The following NTNG1 variants were observed in gnomAD, a reference collection of about 807,000 sequenced individuals.
The protein encoded by NTNG1 is netrin G1, also known as netrin-G1.
A neutral mutation model predicts 54.0 loss-of-function variants in NTNG1; 16 were observed. The observed-to-expected ratio is 0.30, with a 90% CI of 0.20 to 0.45. NTNG1 has a LOEUF of 0.45. Among genes scored for constraint, NTNG1 ranks in the 20% least tolerant of loss-of-function variants. The pLI, the probability that NTNG1 is intolerant of heterozygous loss-of-function variation, is 1.00. For missense variants in NTNG1, 530 were observed against 678.7 expected, an observed-to-expected ratio of 0.78 and a Z score of 2.43; for synonymous variants, 255 against 263.1, an observed-to-expected ratio of 0.97 and a Z score of 0.30.
intron 2 of NTNG1, among the ~76,000 whole-genome samples, chr1:107,262,559 A>G (rs985914604): frequency 6.6e-6 from 1 of 152,230 alleles, no homozygotes; most frequent in Admixed American, 6.5e-5. Context: ...CCATGATCAA[A>G]GTAGAAGAAT....
intron 2 of NTNG1, among the ~76,000 whole-genome samples, chr1:107,312,180 C>T (rs1190512610): frequency 1.3e-5 from 2 of 151,928 alleles, no homozygotes; most frequent in African/African-American, 2.4e-5. Context: ...AAAAAATTAA[C>T]GAAGGCAATG....
At chr1:107,352,627 G>T (rs4915038) in intron 3 of NTNG1, among the ~76,000 whole-genome samples, 17,153 of 152,134 alleles carry the variant, frequency 0.11, 1,029 homozygotes, top group South Asian at 0.19. Context: ...CAAAAGAAAG[G>T]GGCTACAGGC....
intron 2 of NTNG1, among the ~76,000 whole-genome samples, chr1:107,189,220 T>G (rs7555297): frequency 0.99 from 150,894 of 151,936 alleles, 74,939 homozygotes; most frequent in East Asian, 1. Context: ...GAGTGGTAGT[T>G]CACGCCTGTA....
intron 2 of NTNG1, among the ~76,000 whole-genome samples, chr1:107,234,548 C>T (rs1324428048): frequency 3.3e-5 from 5 of 152,138 alleles, no homozygotes; most frequent in Non-Finnish European, 5.9e-5. Flanking sequence ...ATCCACGCAG[C>T]CATTTCATGA....
chr1:107,260,156 C>A (rs550335144), intron 2 of NTNG1, among the ~76,000 whole-genome samples: 171 of 152,302 alleles, frequency 1.1e-3, no homozygotes, highest in African/African-American at 3.9e-3. Context: ...TCATTTGATC[C>A]TCTCACGATA....
intron 2 of NTNG1, among the ~76,000 whole-genome samples, chr1:107,191,373 A>G (rs1296721424): frequency 2.6e-5 from 4 of 152,160 alleles, no homozygotes; most frequent in African/African-American, 7.2e-5. Flanking sequence ...CCCATTCTGT[A>G]GGTTGCCTGT....
At chr1:107,204,934 A>T (rs1659065053) in intron 2 of NTNG1, among the ~76,000 whole-genome samples, 1 of 152,092 alleles carries the variant, frequency 6.6e-6, no homozygotes, top group Non-Finnish European at 1.5e-5. Flanking sequence ...TGCAGATTGG[A>T]GTCACTGAGC....
chr1:107,276,979 G>T (rs1402285704), intron 2 of NTNG1, among the ~76,000 whole-genome samples: 1 of 152,124 alleles, frequency 6.6e-6, no homozygotes, highest in Non-Finnish European at 1.5e-5. Context: ...GAGGAAAAAA[G>T]AAGAGGAAGC....
intron 2 of NTNG1, among the ~76,000 whole-genome samples, chr1:107,280,115 A>G (rs1368985405): frequency 9.1e-6 from 1 of 109,664 alleles, no homozygotes; most frequent in Middle Eastern, 8.1e-3. Flanking sequence ...TAACTTTTTA[A>G]TTTATATCTC....
At chr1:107,202,456 A>G (rs555900867) in intron 2 of NTNG1, among the ~76,000 whole-genome samples, 25 of 151,992 alleles carry the variant, frequency 1.6e-4, no homozygotes, top group Non-Finnish European at 3.1e-4. Context: ...AGCACAGTGA[A>G]TGCTATTACT....
chr1:107,478,345 C>T (rs1401781196), intron 7 of NTNG1, among the ~76,000 whole-genome samples: 1 of 152,046 alleles, frequency 6.6e-6, no homozygotes, highest in Non-Finnish European at 1.5e-5. Context: ...CCTGCCAATC[C>T]ATGAGATTAC....
At chr1:107,180,449 T>G (rs1190504525) in intron 2 of NTNG1, among the ~76,000 whole-genome samples, 1 of 152,122 alleles carries the variant, frequency 6.6e-6, no homozygotes, top group African/African-American at 2.4e-5. Flanking sequence ...TTAAGTGAAA[T>G]AAAAGTTTCA....
At chr1:107,391,069 T>C (rs1191213363) in intron 3 of NTNG1, among the ~76,000 whole-genome samples, 1 of 152,136 alleles carries the variant, frequency 6.6e-6, no homozygotes, top group Non-Finnish European at 1.5e-5. Flanking sequence ...AGAATTATCC[T>C]GATCAAAGAG....
intron 2 of NTNG1, among the ~76,000 whole-genome samples, chr1:107,218,207 C>A (rs1025471472): frequency 2.0e-5 from 3 of 152,046 alleles, no homozygotes; most frequent in Non-Finnish European, 4.4e-5. Context: ...ATGTAATGTT[C>A]CTGTTTGTCT....
At chr1:107,279,919 C>T (rs973874454) in intron 2 of NTNG1, among the ~76,000 whole-genome samples, 2 of 152,018 alleles carry the variant, frequency 1.3e-5, no homozygotes, top group African/African-American at 4.8e-5. Flanking sequence ...GGTTGCAGTC[C>T]TACCTGTAGC....
intron 3 of NTNG1, among the ~76,000 whole-genome samples, chr1:107,367,702 A>T (rs1670681697): frequency 6.6e-6 from 1 of 151,928 alleles, no homozygotes; most frequent in African/African-American, 2.4e-5. Flanking sequence ...TCTGTGCTAA[A>T]ATCTTTATTT....
At chr1:107,432,764 A>T (rs1430671952) in intron 6 of NTNG1, among the ~76,000 whole-genome samples, 3 of 152,166 alleles carry the variant, frequency 2.0e-5, no homozygotes, top group Non-Finnish European at 4.4e-5. Flanking sequence ...AAATCAATCT[A>T]AAAAAGTCCT....
chr1:107,150,583 G>A (rs1029712299), intron 2 of NTNG1, among the ~76,000 whole-genome samples: 5 of 152,144 alleles, frequency 3.3e-5, no homozygotes, highest in African/African-American at 1.2e-4. Flanking sequence ...ACAGATCTAA[G>A]TAAAATAGCA....
intron 2 of NTNG1, among the ~76,000 whole-genome samples, chr1:107,251,082 C>T (rs973918988): frequency 6.6e-6 from 1 of 152,158 alleles, no homozygotes; most frequent in African/African-American, 2.4e-5. Flanking sequence ...AAATTTCATG[C>T]AGTAATGCTT....
Sources: allele counts gnomAD v4.1 joint callset (sites outside exome capture counted in the v4.1 genomes callset), GRCh38; gene constraint gnomAD v4.1.1; transcripts MANE v1.5; gene names NCBI Gene and HGNC (gene_info 2026-07-23, HGNC 2026-07-21).